Variants in TPST2 observed in about 807,000 individuals in gnomAD.
The protein encoded by TPST2 is tyrosylprotein sulfotransferase 2, also known as protein-tyrosine sulfotransferase 2.
Under a neutral mutation model 27.8 loss-of-function variants are expected in TPST2, and 16 were observed. The observed-to-expected ratio is 0.58, with a 90% CI of 0.39 to 0.88. The LOEUF (loss-of-function observed/expected upper bound fraction) is 0.88, where lower values mean the gene tolerates loss of function less well. TPST2 is among the 40% of genes least tolerant of loss of function. The pLI is 0.00. For missense variants in TPST2, 464 were observed against 543.1 expected (o/e 0.85, Z 1.45); for synonymous variants, 229 against 231.7 (o/e 0.99, Z 0.10).
intron 5 of TPST2, among the ~76,000 whole-genome samples, chr22:26,532,260 C>T (rs551536302): frequency 2.3e-3 from 355 of 152,258 alleles, no homozygotes; most frequent in South Asian, 6.6e-3. Flanking sequence ...TGGTCCAGCA[C>T]GCATCCCCAC....
intron 6 of TPST2, among the ~76,000 whole-genome samples, chr22:26,527,545 C>A (rs4820684): frequency 1.3e-5 from 2 of 152,070 alleles, no homozygotes; most frequent in African/African-American, 4.8e-5. Context: ...TCCCTTTCCC[C>A]ACCCCTTAGT....
At chr22:26,576,766 T>G (rs1374939767) in intron 1 of TPST2, among the ~76,000 whole-genome samples, 1 of 148,816 alleles carries the variant, frequency 6.7e-6, no homozygotes, top group African/African-American at 2.5e-5. Flanking sequence ...AGACAAGGAG[T>G]TCAAGACCAG....
chr22:26,571,730 T>A (rs1415530745), intron 1 of TPST2, among the ~76,000 whole-genome samples: 2 of 152,110 alleles, frequency 1.3e-5, no homozygotes, highest in African/African-American at 4.8e-5. Context: ...CCTAATAGGA[T>A]CTCCTGAGCT....
At chr22:26,532,319 C>T (rs1465818563) in intron 5 of TPST2, among the ~76,000 whole-genome samples, 4 of 152,180 alleles carry the variant, frequency 2.6e-5, no homozygotes, top group Admixed American at 6.5e-5. Flanking sequence ...CTCGCTCTGT[C>T]GCTCGGGCTA....
At chr22:26,537,133 T>C (rs1327976930) in intron 3 of TPST2, among the ~76,000 whole-genome samples, 4 of 152,230 alleles carry the variant, frequency 2.6e-5, no homozygotes, top group African/African-American at 4.8e-5. Flanking sequence ...AAAACACTAA[T>C]GATAAAGCTG....
intron 1 of TPST2, among the ~76,000 whole-genome samples, chr22:26,554,671 C>T (rs917832219): frequency 6.6e-6 from 1 of 152,238 alleles, no homozygotes; most frequent in African/African-American, 2.4e-5. Context: ...CTTGCAGTGG[C>T]TCATGCCTGT....
intron 6 of TPST2, among the ~76,000 whole-genome samples, chr22:26,527,981 C>T (rs973939639): frequency 2.0e-4 from 31 of 152,178 alleles, no homozygotes; most frequent in Non-Finnish European, 4.1e-4. Flanking sequence ...GTTGGTTCAG[C>T]GTTAATCCCT....
intron 1 of TPST2, among the ~76,000 whole-genome samples, chr22:26,579,241 G>C (rs980039887): frequency 6.6e-6 from 1 of 152,180 alleles, no homozygotes; most frequent in Non-Finnish European, 1.5e-5. Context: ...CTGTGCACTT[G>C]AGCAAGGAAT....
intron 1 of TPST2, among the ~76,000 whole-genome samples, chr22:26,557,825 T>C (rs966625788): frequency 1.7e-4 from 23 of 137,344 alleles, no homozygotes; most frequent in African/African-American, 5.1e-4. Context: ...GGAGGGAGGA[T>C]TGCTTGAGCT....
At position 26,581,249 on chromosome 22, in the gene TPST2, T is replaced by C. The variant is rs551010887; in HGVS notation, c.-161+8804A>G. Among the ~76,000 whole-genome samples, 8 of 152,332 alleles carry C rather than the reference T, an allele frequency of 5.3e-5. No homozygotes were observed. In the East Asian group the frequency reaches 1.3e-3, roughly 26 times the overall value. On this transcript the variant is annotated intron_variant, in intron 1 of 6. Transcript: ENST00000338754. Reference sequence around the variant, plus strand: ...CAGGAAGTCTTCCCTGACTGCCTCCTGTCCCTGTACCAGTATCCCCCAAGG... The same window carrying C: ...CAGGAAGTCTTCCCTGACTGCCTCCCGTCCCTGTACCAGTATCCCCCAAGG...
chr22:26,531,577 G>T (rs1382915236), intron 5 of TPST2, among the ~76,000 whole-genome samples: 1 of 152,178 alleles, frequency 6.6e-6, no homozygotes, highest in Admixed American at 6.5e-5. Context: ...TCTTTGTGTG[G>T]CAGACCTAGT....
At chr22:26,528,995 CAAAAACAAAAA>C (rs370988281) in intron 5 of TPST2, among the ~76,000 whole-genome samples, 11 of 123,226 alleles carry the variant, frequency 8.9e-5, no homozygotes, top group African/African-American at 2.9e-4. Context: ...AAAACAAAAA[CAAAAACAAAAA>C]AAAAACAAAA....
chr22:26,571,738 G>A (rs1927633728), intron 1 of TPST2, among the ~76,000 whole-genome samples: 1 of 152,162 alleles, frequency 6.6e-6, no homozygotes, highest in Non-Finnish European at 1.5e-5. Context: ...GATCTCCTGA[G>A]CTTGGTTTCT....
At position 26,565,272 on chromosome 22, in the gene TPST2, G is replaced by C. The variant is rs755183448; in HGVS notation, c.-160-20597C>G. The C allele has an allele frequency of 3.3e-5, 5 of 152,662 alleles. No individual in the cohort carries two copies. The South Asian group carries it at 1.0e-3, about 32-fold the overall frequency. The allele number at this position is 152,662 out of a possible 1,614,324, so 9.5% of individuals were successfully genotyped here. Reference sequence around the variant, plus strand: ...CAGGGTGGAGGCGAGGGTCAGGCTCGAGCTGGCAGGTGGCTGGAGTGGGGA... The same window carrying C: ...CAGGGTGGAGGCGAGGGTCAGGCTCCAGCTGGCAGGTGGCTGGAGTGGGGA... On this transcript the variant is annotated intron_variant, in intron 1 of 6. Coordinates refer to ENST00000338754, the MANE Select transcript of TPST2 (RefSeq NM_003595.5).
intron 1 of TPST2, among the ~76,000 whole-genome samples, chr22:26,566,585 G>GA (rs200515336): frequency 2.2e-4 from 33 of 149,324 alleles, no homozygotes; most frequent in Admixed American, 5.4e-4. Flanking sequence ...AAAAGAAAAA[G>GA]AAAAAAAAAT....
At chr22:26,548,489 GAAGA>G (rs1926249915) in intron 1 of TPST2, among the ~76,000 whole-genome samples, 1 of 148,838 alleles carries the variant, frequency 6.7e-6, no homozygotes, top group African/African-American at 2.5e-5. Flanking sequence ...AAGAAAGAAA[GAAGA>G]AAGGAAGGAA....
intron 1 of TPST2, among the ~76,000 whole-genome samples, chr22:26,548,724 GGCT>G (rs34762973): frequency 0.26 from 39,780 of 151,624 alleles, 5,319 homozygotes; most frequent in Non-Finnish European, 0.27. Context: ...GCACTTTGAG[GGCT>G]GAGGCAGGAG....
At chr22:26,535,897 A>G (rs1925428488) in intron 4 of TPST2, 1 of 353,964 alleles carries the variant, frequency 2.8e-6, no homozygotes, top group African/African-American at 2.1e-5. Context: ...AAACCTTATA[A>G]GACAAGAAAG....
intron 1 of TPST2, among the ~76,000 whole-genome samples, chr22:26,571,619 C>G (rs901229144): frequency 1.3e-5 from 2 of 152,190 alleles, no homozygotes; most frequent in African/African-American, 4.8e-5. Context: ...GAATCCTGAC[C>G]GGCCCCTCTC....
Sources: allele counts gnomAD v4.1 joint callset (sites outside exome capture counted in the v4.1 genomes callset), GRCh38; gene constraint gnomAD v4.1.1; transcripts MANE v1.5; gene names NCBI Gene and HGNC (gene_info 2026-07-23, HGNC 2026-07-21).